The following CD48 variants were observed in gnomAD, a reference collection of about 807,000 sequenced individuals.
CD48 encodes CD48 antigen.
In CD48, 20 loss-of-function variants were observed where a neutral mutation model predicts 22.0. The ratio of observed to expected loss-of-function variants is 0.91; its 90% confidence interval spans 0.64 to 1.32. The LOEUF is 1.32. Among genes scored for constraint, CD48 ranks in the 40% most tolerant of loss-of-function variants. The probability of loss-of-function intolerance (pLI) is 0.00; values close to 1 mark genes in which losing one functional copy is unlikely to be tolerated. For synonymous variants in CD48, 110 were observed against 110.1 expected, an observed-to-expected ratio of 1.00 and a Z score of 0.01; for missense variants, 307 against 286.5, an observed-to-expected ratio of 1.07 and a Z score of -0.52.
chr1:160,688,097 C>A (rs1662066834), intron 1 of CD48, among the ~76,000 whole-genome samples: 1 of 152,148 alleles, frequency 6.6e-6, no homozygotes, highest in Admixed American at 6.5e-5. Context: ...TGTCTTAAAT[C>A]ATTAATTTGA....
chr1:160,691,042 A>G (rs1256084575), intron 1 of CD48, among the ~76,000 whole-genome samples: 2 of 151,962 alleles, frequency 1.3e-5, no homozygotes, highest in African/African-American at 4.8e-5. Flanking sequence ...AGTCATCACC[A>G]CTCCCTAATC....
chr1:160,710,134 A>G (rs1662906089), intron 1 of CD48, among the ~76,000 whole-genome samples: 1 of 152,206 alleles, frequency 6.6e-6, no homozygotes, highest in Non-Finnish European at 1.5e-5. Context: ...ATTTAGACAC[A>G]TTGACCTTCA....
intron 1 of CD48, among the ~76,000 whole-genome samples, chr1:160,700,088 C>A (rs904077432): frequency 6.6e-6 from 1 of 152,088 alleles, no homozygotes; most frequent in Admixed American, 6.6e-5. Context: ...GCCTTTTGAG[C>A]AGAAGTATAA....
At chr1:160,682,104 A>G (rs1418169518) in intron 2 of CD48, among the ~76,000 whole-genome samples, 1 of 152,172 alleles carries the variant, frequency 6.6e-6, no homozygotes, top group African/African-American at 2.4e-5. Context: ...CATGGCAGGT[A>G]TTCTATAAGT....
intron 1 of CD48, among the ~76,000 whole-genome samples, chr1:160,691,429 G>C (rs1475480227): frequency 6.6e-6 from 1 of 152,186 alleles, no homozygotes; most frequent in Non-Finnish European, 1.5e-5. Context: ...ATGTTTATGT[G>C]TATGCATATC....
chr1:160,700,273 A>G (rs1662584953), intron 1 of CD48, among the ~76,000 whole-genome samples: 2 of 152,206 alleles, frequency 1.3e-5, no homozygotes, highest in Admixed American at 6.5e-5. Context: ...ATGATTGTCA[A>G]TAACGCCAAT....
intron 1 of CD48, among the ~76,000 whole-genome samples, chr1:160,702,070 G>A (rs1571069898): frequency 6.6e-6 from 1 of 152,128 alleles, no homozygotes; most frequent in East Asian, 1.9e-4. Context: ...ATGGAAATAG[G>A]AAACTTGGCA....
chr1:160,708,276 G>C (rs77348404), intron 1 of CD48, among the ~76,000 whole-genome samples: 1,793 of 152,276 alleles, frequency 0.012, 33 homozygotes, highest in African/African-American at 0.041. Context: ...GGTAGCAAGT[G>C]AGCTCATTAT....
Position 160,685,169 on chromosome 1 carries a change from C to T in CD48, c.103G>A (p.Val35Met), listed in dbSNP as rs372863860. 2.0e-5 allele frequency: 32 copies of T among 1,609,810 alleles called. No homozygotes were observed. The highest frequency in any genetic ancestry group is 2.7e-5 in the African/African-American group (2 of 74,832). Reference protein sequence around the residue: ...SIQGHLVHMTVVSGSNVTLNI... With the variant: ...SIQGHLVHMTMVSGSNVTLNI... Reference sequence around the variant, plus strand: ...AGAGTCACGTTGCTGCCGGAGACCACGGTCATATGTACCAAGTGACCTGCC... The same window carrying T: ...AGAGTCACGTTGCTGCCGGAGACCATGGTCATATGTACCAAGTGACCTGCC... Residue 35 changes from valine (V) to methionine (M), a missense_variant, in exon 2 of 4, where the codon GTG (valine) becomes ATG (methionine). Coordinates refer to ENST00000368046, the MANE Select transcript of CD48 (RefSeq NM_001778.4).
chr1:160,684,721 T>C, intron 2 of CD48, 166 bp downstream of exon 2: 1 of 1,558,560 alleles, frequency 6.4e-7, no homozygotes. Context: ...TCTGTTGACC[T>C]AGGCTCACTC....
intron 1 of CD48, among the ~76,000 whole-genome samples, chr1:160,709,002 C>T (rs1025778208): frequency 6.6e-6 from 1 of 152,150 alleles, no homozygotes; most frequent in Non-Finnish European, 1.5e-5. Flanking sequence ...GAGTGAAGAG[C>T]CTTGCATGAC....
intron 2 of CD48, 155 bp downstream of exon 2, chr1:160,684,732 C>G: frequency 6.3e-7 from 1 of 1,580,108 alleles, no homozygotes. Context: ...AGGCTCACTC[C>G]CAAATAGAAT....
chr1:160,704,861 A>G (rs1847394), intron 1 of CD48, among the ~76,000 whole-genome samples: 151,754 of 152,262 alleles, frequency 1, 75,625 homozygotes, highest in Middle Eastern at 1. Context: ...TTTGGTTAAG[A>G]TAAGGAGAAA....
chr1:160,708,302 G>T (rs1391962785), intron 1 of CD48, among the ~76,000 whole-genome samples: 1 of 152,166 alleles, frequency 6.6e-6, no homozygotes, highest in African/African-American at 2.4e-5. Context: ...GTGAACTTTA[G>T]GCTCACAGCT....
chr1:160,702,835 G>A (rs1338648244), intron 1 of CD48, among the ~76,000 whole-genome samples: 1 of 152,272 alleles, frequency 6.6e-6, no homozygotes, highest in East Asian at 1.9e-4. Flanking sequence ...TGGACAGAAT[G>A]CATGGCCATT....
chr1:160,682,574 CTA>C (rs1252089659), intron 2 of CD48, among the ~76,000 whole-genome samples: 4 of 150,432 alleles, frequency 2.7e-5, no homozygotes, highest in Non-Finnish European at 5.9e-5. Flanking sequence ...CACAAAAACA[CTA>C]GTTTTGGAGT....
At chr1:160,684,569 C>T in intron 2 of CD48, 1 of 648,326 alleles carries the variant, frequency 1.5e-6, no homozygotes, top group Non-Finnish European at 2.5e-6. Context: ...GAGATATAAT[C>T]AAGATGAGCT....
In CD48 at chr1:160,681,488, T is replaced by C; in HGVS notation, c.386-20A>G. 2.5e-6 allele frequency: 4 copies of C among 1,610,536 alleles called. No homozygotes were observed. Among genetic ancestry groups the C allele is most frequent in the South Asian group, 1.1e-5 (1 of 90,572 alleles). The stretch of plus-strand genomic sequence containing the variant: ...CAGGGTCTGAAAGTGAGGAGGATGT[T>C]ATAAGATGAGACAGTGAGGCATTCA... On this transcript the variant is annotated intron_variant, in intron 2 of 3. Coordinates refer to ENST00000368046, the MANE Select transcript of CD48 (RefSeq NM_001778.4).
At chr1:160,711,613 C>T (rs1157234976) in intron 1 of CD48, 69 bp downstream of exon 1, 3 of 1,190,126 alleles carry the variant, frequency 2.5e-6, no homozygotes, top group South Asian at 1.2e-5. Flanking sequence ...GAACTACATC[C>T]CGTCTCCCCT....
Sources: allele counts gnomAD v4.1 joint callset (sites outside exome capture counted in the v4.1 genomes callset), GRCh38; gene constraint gnomAD v4.1.1; transcripts MANE v1.5; gene names NCBI Gene and HGNC (gene_info 2026-07-23, HGNC 2026-07-21).